Variants in ARFGEF2 observed in about 807,000 individuals in gnomAD.
ARFGEF2 encodes the protein brefeldin A-inhibited guanine nucleotide-exchange protein 2.
ARFGEF2 carries 74 observed loss-of-function variants against 219.9 expected under a neutral mutation model. The ratio of observed to expected loss-of-function variants is 0.34; its 90% CI spans 0.28 to 0.41. The LOEUF is 0.41. Ranked by LOEUF, ARFGEF2 falls within the 10% of genes least tolerant of loss-of-function variation. ARFGEF2 has a pLI of 1.00. For synonymous variants in ARFGEF2, 733 were observed against 799.2 expected (o/e 0.92, Z 1.40); for missense variants, 1,743 against 2,218.3 (o/e 0.79, Z 4.30).
At chr20:48,990,299 T>G (rs2091350604) in intron 20 of ARFGEF2, among the ~76,000 whole-genome samples, 1 of 152,228 alleles carries the variant, frequency 6.6e-6, no homozygotes, top group Non-Finnish European at 1.5e-5. Context: ...TACTATTTCC[T>G]TTTTAACATC....
chr20:48,922,015 G>A lies in ARFGEF2; in HGVS notation c.121+5G>A. ...GGGCCTGCCAGGTGGCGCTCGGTGG[G>A]TGAGCCGCTCCCGCCCTGCCCCGCG... On this transcript the variant is annotated splice_donor_5th_base_variant and intron_variant, in intron 1 of 38. Transcript: ENST00000371917. 6.3e-7 allele frequency: 1 copy of A among 1,575,708 alleles called. No homozygotes were observed. Among genetic ancestry groups the A allele is most frequent in the African/African-American group, 1.3e-5 (1 of 74,076 alleles).
chr20:49,004,058 T>A (rs1398878251), intron 25 of ARFGEF2, among the ~76,000 whole-genome samples: 1 of 152,138 alleles, frequency 6.6e-6, no homozygotes, highest in Non-Finnish European at 1.5e-5. Flanking sequence ...TAGAGTTTCA[T>A]TTTTTCAAGA....
chr20:49,012,176 C>CTCTT, intron 28 of ARFGEF2, 92 bp downstream of exon 28: 1 of 1,547,554 alleles, frequency 6.5e-7, no homozygotes, highest in Non-Finnish European at 8.9e-7. Flanking sequence ...TTTCCAGCTA[C>CTCTT]TCTTTTAGAA....
At chr20:49,001,122 T>C (rs2091422597) in intron 25 of ARFGEF2, among the ~76,000 whole-genome samples, 1 of 149,918 alleles carries the variant, frequency 6.7e-6, no homozygotes, top group Non-Finnish European at 1.5e-5. Context: ...CGGCAGTAGC[T>C]TGATCTCCTC....
Position 48,989,661 on chromosome 20 carries a change from A to G in ARFGEF2, c.2791A>G (p.Ile931Val). 4 of 1,614,190 alleles carry G rather than the reference A, an allele frequency of 2.5e-6. No homozygotes were observed. The highest frequency in any genetic ancestry group is 2.2e-5 in the East Asian group (1 of 44,888). Residue 931 changes from isoleucine (I) to valine (V), a missense_variant, in exon 20 of 39, where the codon ATC becomes GTC. Ile to Val is a conservative substitution (Grantham distance 29). Transcript: ENST00000371917. The stretch of plus-strand genomic sequence containing the variant: ...GGAAGGCATCCGATGTGCAATCCGA[A>G]TCGCCTGCATCTTTGGAATGCAGGT... ...CLEGIRCAIR[I>V]ACIFGMQLER...
At chr20:49,028,740 G>A in intron 37 of ARFGEF2, 72 bp downstream of exon 37, 7 of 1,523,776 alleles carry the variant, frequency 4.6e-6, no homozygotes, top group Non-Finnish European at 6.3e-6. Context: ...ACTGTGGATT[G>A]AAAAGAGTAA....
At chr20:48,949,195 G>C (rs1489035276) in intron 3 of ARFGEF2, among the ~76,000 whole-genome samples, 1 of 152,126 alleles carries the variant, frequency 6.6e-6, no homozygotes, top group East Asian at 1.9e-4. Flanking sequence ...TCTGGAGAGG[G>C]GAGGATACTT....
chr20:49,019,818 T>C (rs1184911752), intron 34 of ARFGEF2, among the ~76,000 whole-genome samples: 2 of 152,258 alleles, frequency 1.3e-5, no homozygotes, highest in African/African-American at 4.8e-5. Flanking sequence ...GCTCATTTTC[T>C]GTTGATTGTT....
intron 25 of ARFGEF2, among the ~76,000 whole-genome samples, chr20:49,003,459 G>A (rs540603756): frequency 6.6e-6 from 1 of 151,724 alleles, no homozygotes; most frequent in South Asian, 2.1e-4. Context: ...ACAAAAATTA[G>A]CCGATCTTGG....
chr20:49,021,022 A>T (rs1450524275), intron 34 of ARFGEF2, among the ~76,000 whole-genome samples: 1 of 152,174 alleles, frequency 6.6e-6, no homozygotes, highest in Admixed American at 6.5e-5. Context: ...ACTTGGCATA[A>T]GTTGAATGTA....
chr20:49,017,305 A>C lies in ARFGEF2; in HGVS notation c.4372A>C (p.Asn1458His), dbSNP rs1568740025. Residue 1458 changes from asparagine to histidine, a missense_variant, in exon 32 of 39, where the codon AAT becomes CAT. Transcript: ENST00000371917. ...TTGCTTAGAAAACTTAGTAATATCC[A>C]ATGGAGAGAAATTCAGTCCTGAAGT... ...TNCLENLVIS[N>H]GEKFSPEVWD... 6.2e-7 allele frequency: 1 copy of C among 1,613,950 alleles called. No individual in the cohort carries two copies. Among genetic ancestry groups the C allele is most frequent in the Non-Finnish European group, 8.5e-7 (1 of 1,179,980 alleles).
Position 48,998,355 on chromosome 20 carries a change from G to A in ARFGEF2, c.3282G>A (p.Leu1094=), listed in dbSNP as rs1019583463. 6.2e-7 allele frequency: 1 copy of A among 1,614,036 alleles called. No homozygotes were observed. Among genetic ancestry groups the A allele is most frequent in the African/African-American group, 1.3e-5 (1 of 74,932 alleles). Reference sequence around the variant, plus strand: ...CTGTAGTTGACTTTGTCCGCTGGCTGTGTGCTGTGTCCATGGATGAACTGG... The same window carrying A: ...CTGTAGTTGACTTTGTCCGCTGGCTATGTGCTGTGTCCATGGATGAACTGG... ...GNAIVDFVRW[L]CAVSMDELAS... The change falls in exon 25 of 39, where the codon CTG becomes CTA. Residue 1094 remains leucine, a synonymous_variant. Transcript: ENST00000371917.
chr20:48,991,464 AT>A lies in ARFGEF2; in HGVS notation c.2973+283del, dbSNP rs71337479. On this transcript the variant is annotated intron_variant, in intron 21 of 38. Coordinates refer to ENST00000371917, the MANE Select transcript of ARFGEF2 (RefSeq NM_006420.3). ...GCAACTTTCTTTCCATATTAGTGCC[AT>A]TTTTTTTTTTTTTTTTAGTCCTTAT... 7.5e-3 allele frequency among the ~76,000 whole-genome samples: 1,011 copies of A among 134,774 alleles called. 4 individuals carry two copies. The highest frequency in any genetic ancestry group is 0.011 in the African/African-American group (403 of 36,556). 88.4% of individuals were successfully genotyped at this position (134,774 alleles called of 152,430 possible). A position where few individuals can be genotyped will look rare whatever the true frequency, so the allele number is the denominator to read the frequency against.
intron 12 of ARFGEF2, among the ~76,000 whole-genome samples, chr20:48,973,615 T>G (rs143101403): frequency 6.6e-6 from 1 of 152,324 alleles, no homozygotes; most frequent in Non-Finnish European, 1.5e-5. Context: ...TCAGTCACCC[T>G]TCCAAAGATA....
In ARFGEF2 at chr20:48,963,881, T is replaced by A. The variant is rs1359889136; in HGVS notation, c.890T>A (p.Val297Asp). The A allele has an allele frequency of 6.2e-7, 1 of 1,613,852 alleles. No individual in the cohort carries two copies. Among genetic ancestry groups the A allele is most frequent in the Non-Finnish European group, 8.5e-7 (1 of 1,179,924 alleles). ...EVVKDILEDV[V>D]TSAIKEAAEK... ...GTGAAGGACATCTTGGAAGATGTAG[T>A]CACATCTGCCATTAAAGGTAAGAAC... is the stretch of plus-strand genomic sequence containing the variant. Residue 297 changes from valine (V) to aspartate (D), a missense_variant, in exon 7 of 39, where the codon GTC becomes GAC. By Grantham distance (152) the Val-to-Asp change is radical (BLOSUM62 -3). Around this residue, in one of 5 missense-constraint regions of ARFGEF2, gnomAD observed 394 missense variants for 426.6 expected, o/e 0.92. Transcript: ENST00000371917.
Position 48,971,264 on chromosome 20 carries a change from C to T in ARFGEF2, c.1335C>T (p.Val445=). 1 of 1,614,208 alleles carries T rather than the reference C, an allele frequency of 6.2e-7. No individual in the cohort carries two copies. Among genetic ancestry groups the T allele is most frequent in the Non-Finnish European group, 8.5e-7 (1 of 1,180,046 alleles). ...GTGTGGCCTTGTCCAAAAACGGCGTCTCTTCAGTGCCTGATGTCTTTGAGC... is the reference window on the plus strand; with the variant it reads ...GTGTGGCCTTGTCCAAAAACGGCGTTTCTTCAGTGCCTGATGTCTTTGAGC... ...YLCVALSKNG[V]SSVPDVFELS... is the part of the protein sequence containing the mutation. Residue 445 remains valine, a synonymous_variant, in exon 10 of 39, where the codon GTC becomes GTT. Coordinates refer to ENST00000371917, the MANE Select transcript of ARFGEF2 (RefSeq NM_006420.3).
At chr20:49,006,155 G>A (rs544420577) in intron 26 of ARFGEF2, among the ~76,000 whole-genome samples, 262 of 151,976 alleles carry the variant, frequency 1.7e-3, no homozygotes, top group Non-Finnish European at 2.9e-3. Context: ...TTAGCCGGGC[G>A]TGGTGGTGGG....
rs1234223760 is a variant in ARFGEF2 at position 48,988,289 on chromosome 20, A to C, written c.2277-15A>C. On this transcript the variant is annotated splice_polypyrimidine_tract_variant and intron_variant, in intron 16 of 38. Coordinates refer to ENST00000371917, the MANE Select transcript of ARFGEF2 (RefSeq NM_006420.3). ...CATCACCATGAATATTGATGTCTCGAATTTTTTTCTCCAGGCAAACTCTGT... is the reference window on the plus strand; with the variant it reads ...CATCACCATGAATATTGATGTCTCGCATTTTTTTCTCCAGGCAAACTCTGT... 1 of 1,608,822 alleles carries C rather than the reference A, an allele frequency of 6.2e-7. No homozygotes were observed. Among genetic ancestry groups the C allele is most frequent in the Non-Finnish European group, 8.5e-7 (1 of 1,176,322 alleles).
chr20:48,982,056 A>G (rs1047588966), intron 14 of ARFGEF2, among the ~76,000 whole-genome samples: 1 of 152,112 alleles, frequency 6.6e-6, no homozygotes, highest in Non-Finnish European at 1.5e-5. Context: ...TTGGAGGAAA[A>G]GAGGTGCTCT....
Sources: gnomAD v4.1 joint callset for allele counts (sites outside exome capture counted in the v4.1 genomes callset) on GRCh38, gnomAD v4.1.1 for gene constraint, gnomAD v4.1.1 regional missense constraint, MANE v1.5 for transcripts, NCBI Gene and HGNC (gene_info 2026-07-23, HGNC 2026-07-21) for gene names.